Variants in MYOM3 observed in about 807,000 individuals in gnomAD.
MYOM3 encodes the protein myomesin 3.
In MYOM3, 155 loss-of-function variants were observed where a neutral mutation model predicts 191.7. The ratio of observed to expected loss-of-function variants is 0.81; its 90% CI spans 0.71 to 0.92. The LOEUF (loss-of-function observed/expected upper bound fraction) is 0.92. MYOM3 is among the 40% of genes least tolerant of loss of function. The pLI is 0.00. For synonymous variants in MYOM3, 757 were observed against 762.9 expected, an observed-to-expected ratio of 0.99 and a Z score of 0.13; for missense variants, 1,889 against 1,890.6, an observed-to-expected ratio of 1.00 and a Z score of 0.02.
chr1:24,109,180 C>G (rs537266942), intron 1 of MYOM3, among the ~76,000 whole-genome samples: 223 of 152,310 alleles, frequency 1.5e-3, no homozygotes, highest in African/African-American at 4.7e-3. Context: ...CCGCTTGGCT[C>G]TAGTCATGCT....
intron 7 of MYOM3, among the ~76,000 whole-genome samples, chr1:24,095,791 G>T (rs74935661): frequency 6.6e-6 from 1 of 152,136 alleles, no homozygotes; most frequent in African/African-American, 2.4e-5. Flanking sequence ...TTGCCCCCAG[G>T]ATTATGCACT....
intron 1 of MYOM3, among the ~76,000 whole-genome samples, chr1:24,109,847 A>T (rs35559462): frequency 6.6e-6 from 1 of 152,050 alleles, no homozygotes; most frequent in Admixed American, 6.5e-5. Flanking sequence ...AGGCCGTGGC[A>T]GAGGCTGGGG....
intron 15 of MYOM3, among the ~76,000 whole-genome samples, chr1:24,085,954 T>A (rs747816491): frequency 6.6e-6 from 1 of 152,062 alleles, no homozygotes; most frequent in Non-Finnish European, 1.5e-5. Context: ...CTTGCATAGG[T>A]GGTACTGTAG....
Position 24,105,905 on chromosome 1 carries a change from G to C in MYOM3, c.560+15C>G. The C allele has an allele frequency of 1.3e-6, 2 of 1,592,444 alleles. No individual in the cohort carries two copies. The highest frequency in any genetic ancestry group is 1.7e-6 in the Non-Finnish European group (2 of 1,168,366). On this transcript the variant is annotated intron_variant, in intron 5 of 36. Coordinates refer to ENST00000374434, the MANE Select transcript of MYOM3 (RefSeq NM_152372.4). ...CCCCAGAGGCCCAGAACCCCTTCCT[G>C]CCCCAGCGGCTTACCAGGTGACCTG...
Position 24,084,507 on chromosome 1 carries a change from T to G in MYOM3, c.1931A>C (p.Glu644Ala). The G allele has an allele frequency of 6.2e-7, 1 of 1,614,186 alleles. No homozygotes were observed. The highest frequency in any genetic ancestry group is 8.5e-7 in the Non-Finnish European group (1 of 1,180,034). ...GGGTTTGTTGTTAACTGTTTGCCACTCAGATGTCCCCACCTTCCGGGAGTA... is the reference window on the plus strand; with the variant it reads ...GGGTTTGTTGTTAACTGTTTGCCACGCAGATGTCCCCACCTTCCGGGAGTA... The part of the protein sequence containing the change: ...YIYSRKVGTS[E>A]WQTVNNKPIQ... Residue 644 changes from glutamate to alanine, a missense_variant, in exon 16 of 37, where the codon GAG becomes GCG. Coordinates refer to ENST00000374434, the MANE Select transcript of MYOM3 (RefSeq NM_152372.4).
chr1:24,064,384 C>T (rs1026922821), intron 29 of MYOM3: 11 of 518,744 alleles, frequency 2.1e-5, no homozygotes, highest in African/African-American at 2.0e-4. Context: ...CTTGTCTGGG[C>T]CTGGGGAAGG....
intron 3 of MYOM3, 64 bp downstream of exon 3, chr1:24,107,929 G>C: frequency 7.1e-7 from 1 of 1,400,098 alleles, no homozygotes; most frequent in East Asian, 2.3e-5. Context: ...CAGCAGGGAG[G>C]CCGGGGACTG....
chr1:24,082,575 A>T lies in MYOM3; in HGVS notation c.2092+18T>A. On this transcript the variant is annotated intron_variant, in intron 17 of 36. Coordinates refer to ENST00000374434, the MANE Select transcript of MYOM3 (RefSeq NM_152372.4). ...CAGCCCAGGGAGGTTTGCAGGCTGG[A>T]CCTGCCCTTGGACTCACCCAGAGCC... is the stretch of plus-strand genomic sequence containing the variant. 6.4e-7 allele frequency: 1 copy of T among 1,569,384 alleles called. No homozygotes were observed. Among genetic ancestry groups the T allele is most frequent in the Non-Finnish European group, 8.6e-7 (1 of 1,159,922 alleles).
Position 24,086,838 on chromosome 1 carries a change from A to C in MYOM3, c.1615-11T>G. On this transcript the variant is annotated splice_polypyrimidine_tract_variant and intron_variant, in intron 14 of 36. Transcript: ENST00000374434. ...ACTACCTATGACTGACTGAAGAAAC[A>C]GAGGGACTCACATTGGCTAACTGGT... The C allele has an allele frequency of 6.2e-7, 1 of 1,612,942 alleles. No individual in the cohort carries two copies. The highest frequency in any genetic ancestry group is 8.5e-7 in the Non-Finnish European group (1 of 1,179,298).
chr1:24,110,759 G>T lies in MYOM3; in HGVS notation c.-19+1272C>A, dbSNP rs149473415. ...GGCTTCGTATCACTCCCTCCCGATG[G>T]AAGAAGTTCTCTTTGCACCCAAAGA... On this transcript the variant is annotated intron_variant, in intron 1 of 36. Coordinates refer to ENST00000374434, the MANE Select transcript of MYOM3 (RefSeq NM_152372.4). 9.1e-4 allele frequency among the ~76,000 whole-genome samples: 139 copies of T among 152,304 alleles called. 1 individual carries two copies. The highest frequency in any genetic ancestry group is 3.2e-3 in the African/African-American group (132 of 41,562).
rs1274424291 is a variant in MYOM3 at position 24,107,284 on chromosome 1, G to A, written c.243-52C>T. ...CAGGCAGGGATGGGGGATGCCTGGG[G>A]CATCCTGGCCAGTTCCATTCCCTGT... On this transcript the variant is annotated intron_variant, in intron 3 of 36. Transcript: ENST00000374434. The A allele has an allele frequency of 2.0e-6, 3 of 1,500,032 alleles. No homozygotes were observed. The Admixed American group carries it at 6.0e-5, about 30-fold the overall frequency. 92.9% of individuals were successfully genotyped at this position (1,500,032 alleles called of 1,614,324 possible).
chr1:24,107,350 G>T, intron 3 of MYOM3, 118 bp from the exon 4 acceptor site: 1 of 875,990 alleles, frequency 1.1e-6, no homozygotes, highest in Non-Finnish European at 1.7e-6. Flanking sequence ...TGGAGGACAT[G>T]CATGATTTTG....
intron 6 of MYOM3, 55 bp downstream of exon 6, chr1:24,099,625 G>A (rs1643897593): frequency 7.2e-7 from 1 of 1,397,198 alleles, no homozygotes; most frequent in Non-Finnish European, 1.0e-6. Context: ...TCCTGCTCTG[G>A]CCTCGGCGGT....
chr1:24,064,372 G>A (rs1464182260), intron 29 of MYOM3: 1 of 531,008 alleles, frequency 1.9e-6, no homozygotes, highest in African/African-American at 2.0e-5. Flanking sequence ...CCTAGCTCGG[G>A]GCTTGTCTGG....
intron 19 of MYOM3, 39 bp downstream of exon 19, chr1:24,081,291 A>C: frequency 6.2e-7 from 1 of 1,609,496 alleles, no homozygotes; most frequent in Non-Finnish European, 8.5e-7. Context: ...GGAAGGAGGG[A>C]AGGGCAGGCA....
intron 16 of MYOM3, chr1:24,083,515 C>T (rs935411635): frequency 6.6e-6 from 1 of 152,386 alleles, no homozygotes; most frequent in African/African-American, 2.4e-5. Context: ...TACGACTTTA[C>T]TTTGTGATTG....
chr1:24,079,881 G>A, intron 20 of MYOM3, 135 bp downstream of exon 20: 1 of 851,418 alleles, frequency 1.2e-6, no homozygotes, highest in Non-Finnish European at 1.8e-6. Flanking sequence ...GTGACCCTAG[G>A]TAAATCGCTC....
intron 3 of MYOM3, 40 bp from the exon 4 acceptor site, chr1:24,107,272 G>A: frequency 6.5e-7 from 1 of 1,534,396 alleles, no homozygotes; most frequent in Non-Finnish European, 8.8e-7. Flanking sequence ...GCAGGGATGG[G>A]GGATGCCTGG....
Position 24,068,226 on chromosome 1 carries a change from C to T in MYOM3, c.3292G>A (p.Asp1098Asn), listed in dbSNP as rs764323103. 6.2e-7 allele frequency: 1 copy of T among 1,609,480 alleles called. No individual in the cohort carries two copies. Among genetic ancestry groups the T allele is most frequent in the Admixed American group, 1.7e-5 (1 of 59,848 alleles). ...KNQITLTLVD[D>N]DFDKLLRKAD... is the part of the protein sequence containing the mutation. ...GGCGAGGCTGGGCATGGCTGACCGTCATCCACCAGTGTCAAGGTAATCTGG... is the reference window on the plus strand; with the variant it reads ...GGCGAGGCTGGGCATGGCTGACCGTTATCCACCAGTGTCAAGGTAATCTGG... The change falls in exon 26 of 37, where the codon GAC becomes AAC. Residue 1098 changes from aspartate (D) to asparagine (N), a missense_variant. Physicochemically the swap from Asp to Asn is conservative, Grantham distance 23 (BLOSUM62 1). Transcript: ENST00000374434.
Sources: allele counts gnomAD v4.1 joint callset (sites outside exome capture counted in the v4.1 genomes callset), GRCh38; gene constraint gnomAD v4.1.1; transcripts MANE v1.5; gene names NCBI Gene and HGNC (gene_info 2026-07-23, HGNC 2026-07-21).